STARD9: variants seen among roughly 807,000 people sequenced by gnomAD.
STARD9 encodes StAR related lipid transfer domain containing 9.
Under a neutral mutation model 399.8 loss-of-function variants are expected in STARD9, and 346 were observed. That is an observed-to-expected ratio of 0.87 (90% CI 0.79 to 0.95). The LOEUF is 0.95. Ranked by LOEUF, STARD9 falls within the 40% of genes least tolerant of loss-of-function variation. The pLI, the probability that STARD9 is intolerant of heterozygous loss-of-function variation, is 0.00. For synonymous variants in STARD9, 2,203 were observed against 2,143.5 expected (o/e 1.03, Z -0.77); for missense variants, 5,832 against 5,667.5 (o/e 1.03, Z -0.93).
intron 29 of STARD9, 59 bp downstream of exon 29, chr15:42,717,854 T>TG (rs1318507778): frequency 1.3e-6 from 2 of 1,517,702 alleles, no homozygotes; most frequent in Non-Finnish European, 1.8e-6. Flanking sequence ...TCACCCTGCT[T>TG]GGCTTCTCTC....
Position 42,689,372 on chromosome 15 carries a change from A to C in STARD9, c.7794A>C (p.Gln2598His). ...SRVAGRPQCK[Q>H]IDQSSSDQTR... ...TTGCTGGCAGGCCTCAGTGTAAACA[A>C]ATAGACCAGTCATCATCAGACCAGA... is the stretch of plus-strand genomic sequence containing the variant. Residue 2598 changes from glutamine (Q) to histidine (H), a missense_variant, in exon 23 of 33, where the codon CAA becomes CAC. By Grantham distance (24) the Gln-to-His change is conservative. Around this residue, in one of 2 missense-constraint regions of STARD9, gnomAD observed 5,828 missense variants for 5,651.1 expected, o/e 1.03. Transcript: ENST00000290607. 1 of 1,537,362 alleles carries C rather than the reference A, an allele frequency of 6.5e-7. No homozygotes were observed. Among genetic ancestry groups the C allele is most frequent in the South Asian group, 1.2e-5 (1 of 84,064 alleles).
chr15:42,695,312 C>G lies in STARD9; in HGVS notation c.13135C>G (p.Gln4379Glu). The G allele has an allele frequency of 6.5e-7, 1 of 1,533,448 alleles. No individual in the cohort carries two copies. Among genetic ancestry groups the G allele is most frequent in the Non-Finnish European group, 8.7e-7 (1 of 1,144,494 alleles). 95.0% of individuals were successfully genotyped at this position (1,533,448 alleles called of 1,614,324 possible). Residue 4379 changes from glutamine to glutamate, a missense_variant, in exon 25 of 33, where the codon CAG becomes GAG. Physicochemically the swap from Gln to Glu is conservative, Grantham distance 29. Around this residue, in one of 2 missense-constraint regions of STARD9, gnomAD observed 5,828 missense variants for 5,651.1 expected, o/e 1.03. Transcript: ENST00000290607. The part of the protein sequence containing the change: ...KLRIHQKIIS[Q>E]LLKEEDKLHT... ...GAGAATCCACCAGAAGATCATTTCCCAGCTATTGAAGGTGTGGAGTGGGGC... is the reference window on the plus strand; with the variant it reads ...GAGAATCCACCAGAAGATCATTTCCGAGCTATTGAAGGTGTGGAGTGGGGC...
chr15:42,712,778 C>G (rs2061272160), intron 26 of STARD9, among the ~76,000 whole-genome samples: 1 of 152,178 alleles, frequency 6.6e-6, no homozygotes, highest in African/African-American at 2.4e-5. Flanking sequence ...GCGATCCTCC[C>G]ACCTCAGCCG....
At chr15:42,663,072 T>A in intron 11 of STARD9, 181 bp downstream of exon 11, 1 of 698,270 alleles carries the variant, frequency 1.4e-6, no homozygotes, top group African/African-American at 1.8e-5. Flanking sequence ...TACCATCATT[T>A]CTCAAAGAGG....
At position 42,674,936 on chromosome 15, in the gene STARD9, G is replaced by T; in HGVS notation, c.1659G>T (p.Glu553Asp). The change falls in exon 18 of 33, where the codon GAG becomes GAT. Residue 553 changes from glutamate to aspartate, a missense_variant. By Grantham distance (45) the Glu-to-Asp change is conservative (BLOSUM62 2). This residue lies in a region of STARD9 where 5,828 missense variants were observed against 5,651.1 expected (regional missense o/e 1.03). Coordinates refer to ENST00000290607, the MANE Select transcript of STARD9 (RefSeq NM_020759.3). ...RGARCTVNGR[E>D]VTASCRLTQG... ...CCCGCTGTACAGTCAATGGCCGGGA[G>T]GTCACTGCCTCCTGCCGTCTGACTC... 2 of 1,536,450 alleles carry T rather than the reference G, an allele frequency of 1.3e-6. No homozygotes were observed. The highest frequency in any genetic ancestry group is 1.7e-6 in the Non-Finnish European group (2 of 1,146,576).
intron 3 of STARD9, among the ~76,000 whole-genome samples, chr15:42,626,230 T>G (rs1462866043): frequency 6.6e-6 from 1 of 151,508 alleles, no homozygotes; most frequent in Non-Finnish European, 1.5e-5. Context: ...GGCAAGAGTT[T>G]TAATTCTTCT....
intron 3 of STARD9, among the ~76,000 whole-genome samples, chr15:42,620,284 A>G (rs1456324355): frequency 6.6e-6 from 1 of 151,638 alleles, no homozygotes; most frequent in Non-Finnish European, 1.5e-5. Context: ...AGTTATAAGT[A>G]GATTTTTTTT....
chr15:42,682,060 GGAAGGA>G, intron 21 of STARD9, 38 bp from the exon 22 acceptor site: 1 of 1,328,310 alleles, frequency 7.5e-7, no homozygotes, highest in Non-Finnish European at 1.0e-6. Flanking sequence ...CCACAAGCAG[GGAAGGA>G]GATGCTGAAA....
rs1363831963 is a variant in STARD9, at chr15:42,662,478, G to A, written c.771-316G>A. Among the ~76,000 whole-genome samples the A allele has an allele frequency of 2.0e-5, 3 of 152,144 alleles. No homozygotes were observed. The East Asian group carries it at 5.8e-4, about 29-fold the overall frequency. On this transcript the variant is annotated intron_variant, in intron 10 of 32. Coordinates refer to ENST00000290607, the MANE Select transcript of STARD9 (RefSeq NM_020759.3). ...ATAAATATAGGAATTTAAAACAATA[G>A]AGAAGTGAATATACCAAAAAGCCGT...
chr15:42,691,527 C>T lies in STARD9; in HGVS notation c.9949C>T (p.His3317Tyr). The T allele has an allele frequency of 6.5e-7, 1 of 1,537,270 alleles. No homozygotes were observed. The highest frequency in any genetic ancestry group is 8.7e-7 in the Non-Finnish European group (1 of 1,146,918). ...PVTTIFSGPKHSRSSPTPQFS... is the reference protein window; with the variant it reads ...PVTTIFSGPKYSRSSPTPQFS... ...GACTACAATCTTCTCTGGCCCCAAA[C>T]ACTCCAGGTCCTCCCCCACACCACA... Residue 3317 changes from histidine to tyrosine, a missense_variant, in exon 23 of 33, where the codon CAC becomes TAC. Around this residue, in one of 2 missense-constraint regions of STARD9, gnomAD observed 5,828 missense variants for 5,651.1 expected, o/e 1.03. Coordinates refer to ENST00000290607, the MANE Select transcript of STARD9 (RefSeq NM_020759.3).
chr15:42,718,672 C>T, intron 31 of STARD9, 80 bp from the exon 32 acceptor site: 1 of 1,487,110 alleles, frequency 6.7e-7, no homozygotes, highest in Non-Finnish European at 9.0e-7. Flanking sequence ...TGTTGCCTTT[C>T]ACCATACTGT....
At chr15:42,697,181 A>G (rs1595798054) in intron 26 of STARD9, among the ~76,000 whole-genome samples, 1 of 152,270 alleles carries the variant, frequency 6.6e-6, no homozygotes, top group East Asian at 1.9e-4. Context: ...ATGGGAGTAT[A>G]CTGTACTCAC....
At chr15:42,612,207 G>T (rs987085791) in intron 3 of STARD9, among the ~76,000 whole-genome samples, 2 of 152,070 alleles carry the variant, frequency 1.3e-5, no homozygotes, top group African/African-American at 4.8e-5. Context: ...CAAACTCCTG[G>T]CCTCAAGTGA....
rs1350744677 is a variant in STARD9, at chr15:42,686,486, C to T, written c.4908C>T (p.Cys1636=). The T allele has an allele frequency of 6.5e-7, 1 of 1,537,782 alleles. No individual in the cohort carries two copies. The highest frequency in any genetic ancestry group is 1.4e-5 in the African/African-American group (1 of 73,158). ...QNNLEECLQS[C]RKPGLMTSSD... is the part of the protein sequence containing the mutation. ...ACTTGGAAGAATGCCTTCAGAGTTGCAGGAAACCTGGACTGATGACTTCCT... is the reference window on the plus strand; with the variant it reads ...ACTTGGAAGAATGCCTTCAGAGTTGTAGGAAACCTGGACTGATGACTTCCT... Residue 1636 remains cysteine, a synonymous_variant, in exon 23 of 33, where the codon TGC becomes TGT. Coordinates refer to ENST00000290607, the MANE Select transcript of STARD9 (RefSeq NM_020759.3).
chr15:42,614,585 T>C (rs1173820450), intron 3 of STARD9, among the ~76,000 whole-genome samples: 2 of 152,180 alleles, frequency 1.3e-5, no homozygotes, highest in East Asian at 1.9e-4. Context: ...TGTTACAGCT[T>C]TTGGGAAAGC....
chr15:42,658,672 G>A lies in STARD9; in HGVS notation c.703-2486G>A, dbSNP rs202196600. Among the ~76,000 whole-genome samples, 15 of 151,018 alleles carry A rather than the reference G, an allele frequency of 9.9e-5. No individual in the cohort carries two copies. The East Asian group carries it at 1.6e-3, about 16-fold the overall frequency. On this transcript the variant is annotated intron_variant, in intron 9 of 32. Transcript: ENST00000290607. ...TAATTTTTGTATTTTTAGTAGAGAC[G>A]GGGTTTCACCGTGTCGGCCAGGCTG...
rs993751127 is a variant in STARD9, at chr15:42,663,271, A to G, written c.869-10A>G. The G allele has an allele frequency of 6.6e-7, 1 of 1,509,836 alleles. No individual in the cohort carries two copies. Among genetic ancestry groups the G allele is most frequent in the Non-Finnish European group, 8.8e-7 (1 of 1,132,408 alleles). 93.5% of individuals were successfully genotyped at this position (1,509,836 alleles called of 1,614,324 possible). On this transcript the variant is annotated splice_polypyrimidine_tract_variant and intron_variant, in intron 11 of 32. Transcript: ENST00000290607. ...CTTCTTTCTTCCATTTTCTTTTTTC[A>G]TCTTTTAAGCCCAGAACTCCCAAGT...
chr15:42,694,108 G>A lies in STARD9; in HGVS notation c.12530G>A (p.Ser4177Asn). ...GDLSSEKQEQ[S>N]PPQPPNDHSQ... ...CTCAGCTCTGAAAAGCAGGAACAGA[G>A]TCCCCCACAACCTCCTAATGACCAC... Residue 4177 changes from serine to asparagine, a missense_variant, in exon 23 of 33, where the codon AGT becomes AAT. This residue lies in a region of STARD9 where 5,828 missense variants were observed against 5,651.1 expected (regional missense o/e 1.03). Coordinates refer to ENST00000290607, the MANE Select transcript of STARD9 (RefSeq NM_020759.3). 1 of 1,537,086 alleles carries A rather than the reference G, an allele frequency of 6.5e-7. No homozygotes were observed. The highest frequency in any genetic ancestry group is 2.4e-5 in the East Asian group (1 of 40,914).
At position 42,691,641 on chromosome 15, in the gene STARD9, C is replaced by T; in HGVS notation, c.10063C>T (p.Pro3355Ser). Residue 3355 changes from proline (P) to serine (S), a missense_variant, in exon 23 of 33, where the codon CCT (proline) becomes TCT (serine). Pro to Ser is a moderately conservative substitution (Grantham distance 74). Coordinates refer to ENST00000290607, the MANE Select transcript of STARD9 (RefSeq NM_020759.3). ...PSPTDEDTQG[P>S]NRLWNPHLRG... ...CCCTACAGACGAAGATACACAGGGG[C>T]CTAACAGATTGTGGAACCCACATCT... is the stretch of plus-strand genomic sequence containing the variant. 1 of 1,537,240 alleles carries T rather than the reference C, an allele frequency of 6.5e-7. No individual in the cohort carries two copies.
Sources: gnomAD v4.1 joint callset for allele counts (sites outside exome capture counted in the v4.1 genomes callset) on GRCh38, gnomAD v4.1.1 for gene constraint, gnomAD v4.1.1 regional missense constraint, MANE v1.5 for transcripts, NCBI Gene and HGNC (gene_info 2026-07-23, HGNC 2026-07-21) for gene names.